Variants in PLCB1 observed in about 807,000 individuals in gnomAD.
PLCB1 encodes 1-phosphatidylinositol 4,5-bisphosphate phosphodiesterase beta-1.
A neutral mutation model predicts 161.8 loss-of-function variants in PLCB1; 46 were observed. The observed-to-expected ratio is 0.28, with a 90% confidence interval of 0.22 to 0.36. The LOEUF is 0.36. Among genes scored for constraint, PLCB1 ranks in the 10% least tolerant of loss-of-function variants. The probability of loss-of-function intolerance (pLI) is 1.00; values close to 1 mark genes in which losing one functional copy is unlikely to be tolerated. For missense variants in PLCB1, 1,016 were observed against 1,472.5 expected, an observed-to-expected ratio of 0.69 and a Z score of 5.07; for synonymous variants, 517 against 503.7, an observed-to-expected ratio of 1.03 and a Z score of -0.35.
At chr20:8,436,445 AC>A (rs11087802) in intron 3 of PLCB1, among the ~76,000 whole-genome samples, 52,635 of 143,604 alleles carry the variant, frequency 0.37, 9,250 homozygotes, top group South Asian at 0.48. Context: ...GAAAAAAAAA[AC>A]AAGACAACAA....
At chr20:8,243,031 T>C (rs1980699591) in intron 2 of PLCB1, among the ~76,000 whole-genome samples, 1 of 151,982 alleles carries the variant, frequency 6.6e-6, no homozygotes, top group South Asian at 2.1e-4. Context: ...TAAATTTGCA[T>C]CGTTACGGGC....
chr20:8,729,350 C>A (rs1271797523), intron 18 of PLCB1, 176 bp downstream of exon 18: 3 of 424,948 alleles, frequency 7.1e-6, no homozygotes, highest in Non-Finnish European at 1.2e-5. Flanking sequence ...AAAATCGAGA[C>A]ATGTTCTTCA....
chr20:8,516,736 A>G (rs1318888042), intron 3 of PLCB1, among the ~76,000 whole-genome samples: 1 of 136,182 alleles, frequency 7.3e-6, no homozygotes, highest in Non-Finnish European at 1.5e-5. Context: ...GCTATATACT[A>G]CTAGTCAGTC....
intron 2 of PLCB1, among the ~76,000 whole-genome samples, chr20:8,198,114 T>C (rs1480659855): frequency 6.6e-6 from 1 of 152,132 alleles, no homozygotes; most frequent in African/African-American, 2.4e-5. Context: ...GCTTTGTTCT[T>C]TTGGCTTAAG....
At chr20:8,659,205 A>AT (rs1989556289) in intron 9 of PLCB1, among the ~76,000 whole-genome samples, 1 of 152,188 alleles carries the variant, frequency 6.6e-6, no homozygotes, top group Non-Finnish European at 1.5e-5. Flanking sequence ...TGTGTAAAAA[A>AT]GCCTAGTGTT....
chr20:8,480,222 A>C (rs1414031291), intron 3 of PLCB1, among the ~76,000 whole-genome samples: 1 of 152,202 alleles, frequency 6.6e-6, no homozygotes, highest in African/African-American at 2.4e-5. Context: ...GTGGCGAGCC[A>C]GGGGTCCCTG....
chr20:8,328,224 A>G (rs1319724860), intron 2 of PLCB1, among the ~76,000 whole-genome samples: 1 of 151,820 alleles, frequency 6.6e-6, no homozygotes, highest in East Asian at 1.9e-4. Context: ...GAGATGCTCA[A>G]CCTGTACATG....
chr20:8,535,317 A>G (rs1009707259), intron 3 of PLCB1, among the ~76,000 whole-genome samples: 5 of 151,590 alleles, frequency 3.3e-5, no homozygotes, highest in Admixed American at 2.0e-4. Flanking sequence ...CAATTATTAT[A>G]TATTAAACAT....
chr20:8,364,627 A>G (rs1003350939), intron 2 of PLCB1, among the ~76,000 whole-genome samples: 3 of 152,228 alleles, frequency 2.0e-5, no homozygotes, highest in African/African-American at 7.2e-5. Flanking sequence ...GGTGTCATTC[A>G]TTCATAAACC....
At position 8,737,019 on chromosome 20, in the gene PLCB1, A is replaced by C. The variant is rs1284158232; in HGVS notation, c.2044-9A>C. ...TCCTTATGGATTGATTGATTTATTG[A>C]TTTTCTAGATTATTTCAGGTCAGTT... On this transcript the variant is annotated splice_polypyrimidine_tract_variant and intron_variant, in intron 19 of 31. Coordinates refer to ENST00000338037, the MANE Select transcript of PLCB1 (RefSeq NM_015192.4). The C allele has an allele frequency of 6.2e-7, 1 of 1,601,550 alleles. No homozygotes were observed. Among genetic ancestry groups the C allele is most frequent in the Admixed American group, 1.7e-5 (1 of 59,574 alleles).
At chr20:8,850,060 T>C (rs1430810949) in intron 31 of PLCB1, among the ~76,000 whole-genome samples, 2 of 152,230 alleles carry the variant, frequency 1.3e-5, no homozygotes, top group Non-Finnish European at 2.9e-5. Flanking sequence ...TCATGTGCTC[T>C]AAACCACTAC....
At chr20:8,872,409 C>T (rs1987638781) in intron 31 of PLCB1, among the ~76,000 whole-genome samples, 1 of 152,180 alleles carries the variant, frequency 6.6e-6, no homozygotes, top group Admixed American at 6.5e-5. Context: ...CTTTAGATTT[C>T]AGTTGCCAAT....
At chr20:8,749,973 C>A (rs1981370545) in intron 23 of PLCB1, among the ~76,000 whole-genome samples, 1 of 151,556 alleles carries the variant, frequency 6.6e-6, no homozygotes, top group Non-Finnish European at 1.5e-5. Flanking sequence ...TTTAAAAAAA[C>A]CCAACTATGT....
chr20:8,831,912 C>CTCTTTCTTTCTTTCTTTCTT (rs1188505689), intron 31 of PLCB1, among the ~76,000 whole-genome samples: 7 of 58,572 alleles, frequency 1.2e-4, no homozygotes, highest in African/African-American at 3.6e-4. Flanking sequence ...CTCTTTCTTT[C>CTCTTTCTTTCTTTCTTTCTT]TCTTTCTTTC....
At chr20:8,317,960 T>G (rs1290098360) in intron 2 of PLCB1, among the ~76,000 whole-genome samples, 1 of 152,000 alleles carries the variant, frequency 6.6e-6, no homozygotes, top group Non-Finnish European at 1.5e-5. Context: ...TTTATTTTTC[T>G]TCCATTGAGA....
chr20:8,871,258 A>G (rs182032250), intron 31 of PLCB1, among the ~76,000 whole-genome samples: 146 of 152,332 alleles, frequency 9.6e-4, no homozygotes, highest in Middle Eastern at 3.4e-3. Context: ...TCACATCTAC[A>G]TACTTACATA....
intron 2 of PLCB1, among the ~76,000 whole-genome samples, chr20:8,194,782 G>A (rs527640532): frequency 6.6e-6 from 1 of 152,156 alleles, no homozygotes; most frequent in African/African-American, 2.4e-5. Context: ...AGATTTGGTA[G>A]TAAAAGAATA....
intron 3 of PLCB1, among the ~76,000 whole-genome samples, chr20:8,446,239 C>T (rs1285864218): frequency 6.6e-6 from 1 of 152,180 alleles, no homozygotes; most frequent in African/African-American, 2.4e-5. Flanking sequence ...CCCTGGGATG[C>T]AAGGCTGGTT....
intron 2 of PLCB1, among the ~76,000 whole-genome samples, chr20:8,242,343 T>C (rs1345217342): frequency 1.3e-5 from 2 of 151,940 alleles, no homozygotes; most frequent in Non-Finnish European, 2.9e-5. Context: ...GCTTTCAGAT[T>C]CTTGTTTACC....
Sources: gnomAD v4.1 joint callset for allele counts (sites outside exome capture counted in the v4.1 genomes callset) on GRCh38, gnomAD v4.1.1 for gene constraint, MANE v1.5 for transcripts, NCBI Gene and HGNC (gene_info 2026-07-23, HGNC 2026-07-21) for gene names.